Variants in GKAP1 observed in about 807,000 individuals in gnomAD.
The protein encoded by GKAP1 is G kinase-anchoring protein 1.
In GKAP1, 31 loss-of-function variants were observed where a neutral mutation model predicts 56.7. The ratio of observed to expected loss-of-function variants is 0.55; its 90% confidence interval spans 0.41 to 0.74. The LOEUF (loss-of-function observed/expected upper bound fraction) is 0.74, where lower values mean the gene tolerates loss of function less well. Ranked by LOEUF, GKAP1 falls within the 30% of genes least tolerant of loss-of-function variation. The pLI is 0.00. For missense variants in GKAP1, 364 were observed against 402.3 expected, an observed-to-expected ratio of 0.90 and a Z score of 0.82; for synonymous variants, 151 against 138.6, an observed-to-expected ratio of 1.09 and a Z score of -0.63.
intron 3 of GKAP1, among the ~76,000 whole-genome samples, chr9:83,800,428 G>T (rs1167615970): frequency 2.0e-5 from 3 of 150,384 alleles, no homozygotes; most frequent in African/African-American, 7.4e-5. Context: ...CCGCCTCCCA[G>T]GTTCAAGCAA....
At chr9:83,779,522 CACGTGTATAT>C in intron 7 of GKAP1, among the ~76,000 whole-genome samples, 1 of 122,522 alleles carries the variant, frequency 8.2e-6, no homozygotes, top group East Asian at 2.4e-4. Context: ...TATATATATA[CACGTGTATAT>C]GTGTATATAT....
At chr9:83,804,019 T>A (rs1312239437) in intron 3 of GKAP1, among the ~76,000 whole-genome samples, 53 of 132,870 alleles carry the variant, frequency 4.0e-4, no homozygotes, top group Middle Eastern at 4.8e-3. Context: ...CCGCCCAGCA[T>A]CCGCCCCGTC....
chr9:83,805,611 T>C (rs999740100), intron 3 of GKAP1, among the ~76,000 whole-genome samples: 1 of 152,196 alleles, frequency 6.6e-6, no homozygotes, highest in Non-Finnish European at 1.5e-5. Context: ...CAGTCTATTA[T>C]ATAACCCCAT....
chr9:83,769,617 T>C (rs1336758840), intron 7 of GKAP1, among the ~76,000 whole-genome samples: 2 of 152,226 alleles, frequency 1.3e-5, no homozygotes, highest in Admixed American at 6.5e-5. Context: ...TATTTCTCCA[T>C]TTGTTGGTTG....
At chr9:83,757,433 G>C (rs1943495890) in intron 8 of GKAP1, among the ~76,000 whole-genome samples, 1 of 152,120 alleles carries the variant, frequency 6.6e-6, no homozygotes, top group Admixed American at 6.5e-5. Context: ...AATATAAATA[G>C]GTGTCACATA....
In GKAP1 at chr9:83,815,775, TAA is replaced by T. The variant is rs1365201961; in HGVS notation, c.-44+1219_-44+1220del. 6.6e-5 allele frequency among the ~76,000 whole-genome samples: 10 copies of T among 152,266 alleles called. 1 individual carries two copies. The highest frequency in any genetic ancestry group is 2.4e-4 in the African/African-American group (10 of 41,562). On this transcript the variant is annotated intron_variant, in intron 2 of 12. Transcript: ENST00000376371. The stretch of plus-strand genomic sequence containing the variant: ...AACTTAGATCGAAATTAACTGAGCG[TAA>T]TATGAAATGGCACCAAGTATCACTG...
chr9:83,752,406 ACT>A, intron 9 of GKAP1, among the ~76,000 whole-genome samples: 1 of 152,268 alleles, frequency 6.6e-6, no homozygotes, highest in Middle Eastern at 3.4e-3. Context: ...GCAGAGCGAG[ACT>A]CTGTCTCACA....
chr9:83,779,789 T>C (rs1286838171), intron 7 of GKAP1, among the ~76,000 whole-genome samples: 1 of 151,804 alleles, frequency 6.6e-6, no homozygotes, highest in Non-Finnish European at 1.5e-5. Context: ...TCTTCCTCAA[T>C]GTTAGAGCAT....
intron 4 of GKAP1, among the ~76,000 whole-genome samples, chr9:83,795,660 C>T (rs1034034451): frequency 3.2e-4 from 45 of 139,818 alleles, no homozygotes; most frequent in African/African-American, 1.1e-3. Flanking sequence ...GGCATGATCA[C>T]GGCTCACTGC....
intron 4 of GKAP1, among the ~76,000 whole-genome samples, chr9:83,793,941 T>C (rs372931849): frequency 2.0e-5 from 3 of 152,244 alleles, no homozygotes; most frequent in South Asian, 4.1e-4. Flanking sequence ...CTGAGGTATG[T>C]GGACTGCTTG....
At chr9:83,744,899 T>C (rs979290932) in intron 10 of GKAP1, among the ~76,000 whole-genome samples, 3 of 152,146 alleles carry the variant, frequency 2.0e-5, no homozygotes, top group Admixed American at 2.0e-4. Flanking sequence ...AAGCCTCTTA[T>C]AACACCATCA....
At chr9:83,806,786 T>C (rs1481561360) in intron 2 of GKAP1, among the ~76,000 whole-genome samples, 5 of 152,234 alleles carry the variant, frequency 3.3e-5, no homozygotes, top group African/African-American at 1.2e-4. Context: ...TATAATGTAC[T>C]CATTTTTCCA....
intron 11 of GKAP1, 56 bp downstream of exon 11, chr9:83,742,474 T>C (rs1471994023): frequency 5.3e-6 from 6 of 1,140,776 alleles, no homozygotes; most frequent in Admixed American, 2.0e-5. Flanking sequence ...AGTTTAATAA[T>C]TCAAGACTAA....
At chr9:83,767,969 G>A (rs961380729) in intron 8 of GKAP1, among the ~76,000 whole-genome samples, 8 of 152,174 alleles carry the variant, frequency 5.3e-5, no homozygotes, top group African/African-American at 1.9e-4. Context: ...TTACAGACGT[G>A]AGCTACCGTG....
At chr9:83,801,396 G>GTT (rs397711258) in intron 3 of GKAP1, among the ~76,000 whole-genome samples, 5 of 50,988 alleles carry the variant, frequency 9.8e-5, no homozygotes, top group East Asian at 5.1e-4. Flanking sequence ...CCAAGTTTGT[G>GTT]TTTTTTTTTT....
intron 8 of GKAP1, among the ~76,000 whole-genome samples, chr9:83,764,757 A>C (rs1472654952): frequency 6.6e-6 from 1 of 152,204 alleles, no homozygotes; most frequent in Admixed American, 6.5e-5. Context: ...TTTAGCAAAG[A>C]AACTGGTAGC....
Position 83,768,750 on chromosome 9 carries a change from T to G in GKAP1, c.738+68A>C, listed in dbSNP as rs1440317254. 6 of 1,364,846 alleles carry G rather than the reference T, an allele frequency of 4.4e-6. No individual in the cohort carries two copies. In the Admixed American group the frequency reaches 1.2e-4, roughly 27 times the overall value. 84.5% of individuals were successfully genotyped at this position (1,364,846 alleles called of 1,614,324 possible). ...ATCATAATTTGATTCTACTGCTTAC[T>G]TGTTTAAAAAATAAAAATTACATTT... On this transcript the variant is annotated intron_variant, in intron 8 of 12. Transcript: ENST00000376371.
intron 2 of GKAP1, among the ~76,000 whole-genome samples, chr9:83,812,245 G>A (rs28584828): frequency 0.48 from 70,909 of 146,324 alleles, 18,468 homozygotes; most frequent in African/African-American, 0.69. Context: ...ACATATATAC[G>A]TATATATGTA....
chr9:83,762,278 AT>A (rs1285301570), intron 8 of GKAP1, among the ~76,000 whole-genome samples: 1 of 152,300 alleles, frequency 6.6e-6, no homozygotes, highest in South Asian at 2.1e-4. Flanking sequence ...TGAAAAAAAA[AT>A]CAACAAAAGT....
Sources: gnomAD v4.1 joint callset for allele counts (sites outside exome capture counted in the v4.1 genomes callset) on GRCh38, gnomAD v4.1.1 for gene constraint, MANE v1.5 for transcripts, NCBI Gene and HGNC (gene_info 2026-07-23, HGNC 2026-07-21) for gene names.